Variants in SNX13 observed in about 807,000 individuals in gnomAD.
SNX13 encodes the protein sorting nexin 13.
A neutral mutation model predicts 133.6 loss-of-function variants in SNX13; 45 were observed. That is an observed-to-expected ratio of 0.34 (90% CI 0.27 to 0.43). The LOEUF (loss-of-function observed/expected upper bound fraction) is 0.43, where lower values mean the gene tolerates loss of function less well. Among genes scored for constraint, SNX13 ranks in the 20% least tolerant of loss-of-function variants. The pLI, the probability that SNX13 is intolerant of heterozygous loss-of-function variation, is 1.00. For missense variants in SNX13, 1,032 were observed against 1,145.1 expected, an observed-to-expected ratio of 0.90 and a Z score of 1.43; for synonymous variants, 414 against 373.9, an observed-to-expected ratio of 1.11 and a Z score of -1.24.
At chr7:17,869,395 A>C (rs1793778450) in intron 8 of SNX13, among the ~76,000 whole-genome samples, 1 of 152,096 alleles carries the variant, frequency 6.6e-6, no homozygotes, top group African/African-American at 2.4e-5. Context: ...AAAAAAAGAA[A>C]CTAAGAATTT....
At chr7:17,862,734 A>C (rs991451192) in intron 9 of SNX13, among the ~76,000 whole-genome samples, 1 of 152,166 alleles carries the variant, frequency 6.6e-6, no homozygotes. Flanking sequence ...TTTTGCTACT[A>C]TAACCAATGC....
intron 9 of SNX13, among the ~76,000 whole-genome samples, chr7:17,856,555 G>T (rs1791904138): frequency 6.6e-6 from 1 of 152,086 alleles, no homozygotes; most frequent in Non-Finnish European, 1.5e-5. Flanking sequence ...CACTTTGGGA[G>T]GTTGAGGTGG....
intron 20 of SNX13, among the ~76,000 whole-genome samples, chr7:17,810,220 C>T (rs951426889): frequency 2.0e-5 from 3 of 152,002 alleles, no homozygotes; most frequent in African/African-American, 7.2e-5. Context: ...AGATACAGGA[C>T]TAGCCAGACT....
intron 24 of SNX13, among the ~76,000 whole-genome samples, chr7:17,798,346 C>T (rs555263672): frequency 2.0e-4 from 30 of 151,860 alleles, no homozygotes; most frequent in African/African-American, 6.7e-4. Flanking sequence ...TTAGAAAATA[C>T]AACTGAGAAA....
At chr7:17,889,987 G>C (rs1009381267) in intron 5 of SNX13, 4 of 157,300 alleles carry the variant, frequency 2.5e-5, no homozygotes, top group African/African-American at 9.6e-5. Flanking sequence ...GTGGAGAAGA[G>C]CAGTTACACT....
At chr7:17,800,225 T>A (rs1282210149) in intron 22 of SNX13, among the ~76,000 whole-genome samples, 1 of 151,790 alleles carries the variant, frequency 6.6e-6, no homozygotes, top group Non-Finnish European at 1.5e-5. Flanking sequence ...TCAATAAACA[T>A]AATAAACATC....
chr7:17,825,311 A>AGAC (rs1554314265), intron 17 of SNX13, among the ~76,000 whole-genome samples: 1 of 151,942 alleles, frequency 6.6e-6, no homozygotes, highest in Admixed American at 6.6e-5. Flanking sequence ...AGACTAGACT[A>AGAC]TAAAATCTCT....
intron 12 of SNX13, among the ~76,000 whole-genome samples, chr7:17,843,745 A>G (rs1397037300): frequency 6.6e-6 from 1 of 152,076 alleles, no homozygotes; most frequent in Non-Finnish European, 1.5e-5. Flanking sequence ...GGATAAAATT[A>G]TAAAACAATA....
chr7:17,915,357 C>A (rs1240119656), intron 1 of SNX13, among the ~76,000 whole-genome samples: 1 of 152,166 alleles, frequency 6.6e-6, no homozygotes, highest in Non-Finnish European at 1.5e-5. Context: ...CTGAGCAAAA[C>A]CCTGATTACA....
chr7:17,811,119 G>C (rs1470519987), intron 20 of SNX13, among the ~76,000 whole-genome samples: 1 of 152,114 alleles, frequency 6.6e-6, no homozygotes, highest in East Asian at 1.9e-4. Flanking sequence ...CACCACTCCT[G>C]TTCAACACAG....
rs1352074363 is a variant in SNX13, at chr7:17,798,903, C to T, written c.2444+106G>A. ...CTGCTTTAATGATGTCCTTAAAAGG[C>T]CCAGAGAAAAAAATTCTCCTACAAA... On this transcript the variant is annotated intron_variant, in intron 23 of 25. Transcript: ENST00000428135. The T allele has an allele frequency of 4.4e-6, 6 of 1,355,540 alleles. No individual in the cohort carries two copies. In the African/African-American group the frequency reaches 7.4e-5, roughly 17 times the overall value. 84.0% of individuals were successfully genotyped at this position (1,355,540 alleles called of 1,614,324 possible). A position where few individuals can be genotyped will look rare whatever the true frequency, so the allele number is the denominator to read the frequency against.
At chr7:17,893,288 A>G (rs771107112) in intron 3 of SNX13, 44 bp downstream of exon 3, 4 of 1,326,902 alleles carry the variant, frequency 3.0e-6, no homozygotes, top group Non-Finnish European at 4.2e-6. Flanking sequence ...TTATCATTGC[A>G]AAGAACTGGA....
At chr7:17,803,686 T>A in intron 20 of SNX13, 106 bp from the exon 21 acceptor site, 5 of 972,466 alleles carry the variant, frequency 5.1e-6, no homozygotes, top group Non-Finnish European at 7.4e-6. Flanking sequence ...GATGCAGTAA[T>A]TTTCTGGTCT....
chr7:17,907,691 G>T (rs191247505), intron 1 of SNX13, among the ~76,000 whole-genome samples: 243 of 152,284 alleles, frequency 1.6e-3, no homozygotes, highest in African/African-American at 5.5e-3. Flanking sequence ...TTTATCTGAT[G>T]CTGAGTCCAA....
intron 1 of SNX13, among the ~76,000 whole-genome samples, chr7:17,914,523 C>T (rs905346606): frequency 6.6e-6 from 1 of 152,118 alleles, no homozygotes; most frequent in Non-Finnish European, 1.5e-5. Flanking sequence ...AAACTAACAG[C>T]GGACTTCTCA....
At chr7:17,903,872 G>A (rs1181349211) in intron 1 of SNX13, among the ~76,000 whole-genome samples, 1 of 151,976 alleles carries the variant, frequency 6.6e-6, no homozygotes, top group Non-Finnish European at 1.5e-5. Flanking sequence ...ATAAATTCCT[G>A]GTCTGAAAAT....
intron 1 of SNX13, among the ~76,000 whole-genome samples, chr7:17,929,620 T>C (rs1801163977): frequency 6.6e-6 from 1 of 152,174 alleles, no homozygotes; most frequent in Non-Finnish European, 1.5e-5. Context: ...CATAAAACTT[T>C]ATCAAACTGA....
intron 1 of SNX13, among the ~76,000 whole-genome samples, chr7:17,901,828 T>C (rs1372099320): frequency 6.6e-6 from 1 of 152,182 alleles, no homozygotes; most frequent in Non-Finnish European, 1.5e-5. Context: ...GGATAGTTGT[T>C]CAATTTGTTG....
chr7:17,865,286 C>A (rs1212170329), intron 9 of SNX13, among the ~76,000 whole-genome samples: 1 of 152,076 alleles, frequency 6.6e-6, no homozygotes, highest in Non-Finnish European at 1.5e-5. Flanking sequence ...AACTGATAAA[C>A]AAATTTAGTA....
Sources: gnomAD v4.1 joint callset for allele counts (sites outside exome capture counted in the v4.1 genomes callset) on GRCh38, gnomAD v4.1.1 for gene constraint, MANE v1.5 for transcripts, NCBI Gene and HGNC (gene_info 2026-07-23, HGNC 2026-07-21) for gene names.